Variants in SYN3 observed in about 807,000 individuals in gnomAD.
The protein encoded by SYN3 is synapsin III.
SYN3 carries 35 observed loss-of-function variants against 65.8 expected under a neutral mutation model. The ratio of observed to expected loss-of-function variants is 0.53; its 90% CI spans 0.41 to 0.70. SYN3 has a LOEUF of 0.70. Ranked by LOEUF, SYN3 falls within the 30% of genes least tolerant of loss-of-function variation. SYN3 has a pLI of 0.00. For missense variants in SYN3, 680 were observed against 749.0 expected, an observed-to-expected ratio of 0.91 and a Z score of 1.08; for synonymous variants, 270 against 292.9, an observed-to-expected ratio of 0.92 and a Z score of 0.80.
intron 6 of SYN3, among the ~76,000 whole-genome samples, chr22:32,700,828 T>C (rs1219102534): frequency 1.3e-5 from 2 of 152,232 alleles, no homozygotes; most frequent in Non-Finnish European, 2.9e-5. Context: ...ACCACTTGGA[T>C]GTCTCATAGG....
chr22:32,578,410 C>A (rs1016672497), intron 7 of SYN3, among the ~76,000 whole-genome samples: 1 of 151,944 alleles, frequency 6.6e-6, no homozygotes, highest in Non-Finnish European at 1.5e-5. Context: ...CCACACCTGG[C>A]ATTTTTTTAT....
intron 7 of SYN3, among the ~76,000 whole-genome samples, chr22:32,552,648 G>C: frequency 6.6e-6 from 1 of 152,078 alleles, no homozygotes; most frequent in African/African-American, 2.4e-5. Flanking sequence ...TTGAAGAAAA[G>C]AAACTTTGAT....
intron 6 of SYN3, among the ~76,000 whole-genome samples, chr22:32,778,351 C>T (rs879845335): frequency 3.3e-5 from 5 of 152,046 alleles, no homozygotes; most frequent in African/African-American, 7.2e-5. Context: ...TGCAGAGGCA[C>T]GATCTTGGCT....
intron 6 of SYN3, among the ~76,000 whole-genome samples, chr22:32,713,904 C>G (rs1010338957): frequency 2.0e-5 from 3 of 151,842 alleles, no homozygotes; most frequent in Admixed American, 6.6e-5. Flanking sequence ...GAAACCATGC[C>G]AAAGAAAATA....
intron 1 of SYN3, among the ~76,000 whole-genome samples, chr22:33,047,863 C>CAAAAAA (rs58025351): frequency 1.9e-5 from 1 of 53,566 alleles, no homozygotes; most frequent in African/African-American, 5.5e-5. Flanking sequence ...TTTTCATGTG[C>CAAAAAA]AAAAAAAAAA....
intron 1 of SYN3, among the ~76,000 whole-genome samples, chr22:33,009,191 A>G (rs1480314067): frequency 6.6e-6 from 1 of 152,128 alleles, no homozygotes; most frequent in African/African-American, 2.4e-5. Flanking sequence ...ATGTCTAAAT[A>G]AGAAACTGTC....
intron 6 of SYN3, among the ~76,000 whole-genome samples, chr22:32,695,180 A>G (rs953517597): frequency 7.9e-5 from 12 of 152,240 alleles, no homozygotes; most frequent in Middle Eastern, 3.4e-3. Flanking sequence ...ATGCATATTC[A>G]TATTTCCTAA....
At chr22:32,889,371 G>C (rs896116029) in intron 4 of SYN3, among the ~76,000 whole-genome samples, 8 of 151,954 alleles carry the variant, frequency 5.3e-5, no homozygotes, top group African/African-American at 1.5e-4. Context: ...TCCGGAATGG[G>C]GTAAGGGTAG....
intron 4 of SYN3, among the ~76,000 whole-genome samples, chr22:32,920,490 G>A (rs1569327669): frequency 6.6e-6 from 1 of 152,176 alleles, no homozygotes; most frequent in Non-Finnish European, 1.5e-5. Context: ...GAGCTGGCTG[G>A]CTGGCCACCC....
At chr22:32,620,832 G>A (rs1454848462) in intron 6 of SYN3, among the ~76,000 whole-genome samples, 2 of 151,898 alleles carry the variant, frequency 1.3e-5, no homozygotes, top group Non-Finnish European at 2.9e-5. Flanking sequence ...GGATTCTTCT[G>A]CCTCAGCCTC....
At chr22:33,053,155 G>A (rs1479487486) in intron 1 of SYN3, among the ~76,000 whole-genome samples, 1 of 152,190 alleles carries the variant, frequency 6.6e-6, no homozygotes, top group African/African-American at 2.4e-5. Context: ...GGGCGCAGTG[G>A]CTCACACCTG....
intron 12 of SYN3, among the ~76,000 whole-genome samples, chr22:32,520,564 T>A (rs1267875202): frequency 6.6e-6 from 1 of 152,204 alleles, no homozygotes; most frequent in African/African-American, 2.4e-5. Flanking sequence ...TATTACTTTT[T>A]CCTTTATGAA....
At position 32,990,301 on chromosome 22, in the gene SYN3, A is replaced by AATCCATCCATGAATCCATCCATCC. The variant is rs1556091913; in HGVS notation, c.312-9600_312-9599insGGATGGATGGATTCATGGATGGAT. Among the ~76,000 whole-genome samples the AATCCATCCATGAATCCATCCATCC allele has an allele frequency of 2.4e-4, 34 of 139,544 alleles. No homozygotes were observed. The East Asian group carries it at 5.9e-3, about 24-fold the overall frequency. The allele number at this position is 139,544 out of a possible 152,430, so 91.5% of individuals were successfully genotyped here. ...GAATCCATCCATGAATCCATCCATGAATCCATCCATCCATCCATCCATCCA... is the reference window on the plus strand; with the variant it reads ...GAATCCATCCATGAATCCATCCATGAATCCATCCATGAATCCATCCATCCATCCATCCATCCATCCATCCATCCA... On this transcript the variant is annotated intron_variant, in intron 2 of 13. Transcript: ENST00000358763.
At position 32,763,442 on chromosome 22, in the gene SYN3, C is replaced by T. The variant is rs149914779; in HGVS notation, c.711+101473G>A. Among the ~76,000 whole-genome samples, 715 of 152,306 alleles carry T rather than the reference C, an allele frequency of 4.7e-3. 1 individual carries two copies. The highest frequency in any genetic ancestry group is 0.016 in the African/African-American group (657 of 41,562). On this transcript the variant is annotated intron_variant, in intron 6 of 13. Coordinates refer to ENST00000358763, the MANE Select transcript of SYN3 (RefSeq NM_003490.4). ...CTGGGATTACAGGCGTGAGCCACCA[C>T]GCCTGGCCAAGTGCTCTAATCTTAA... is the stretch of plus-strand genomic sequence containing the variant.
intron 6 of SYN3, among the ~76,000 whole-genome samples, chr22:32,750,902 T>C (rs531022300): frequency 6.6e-6 from 1 of 152,020 alleles, no homozygotes; most frequent in Non-Finnish European, 1.5e-5. Flanking sequence ...GGGGAGAAGA[T>C]CAGGAGTTCA....
chr22:32,896,505 A>G (rs137520), intron 4 of SYN3, among the ~76,000 whole-genome samples: 76,711 of 152,110 alleles, frequency 0.5, 20,084 homozygotes, highest in Non-Finnish European at 0.57. Flanking sequence ...ATCATAAGAC[A>G]TAAAGGCTAA....
chr22:33,006,902 C>A (rs1409780618), intron 1 of SYN3, 78 bp from the exon 2 acceptor site: 5 of 386,116 alleles, frequency 1.3e-5, no homozygotes, highest in South Asian at 9.3e-5. Context: ...CGCTTTCCTG[C>A]CCCACTGCAG....
chr22:32,612,839 C>G (rs970790579), intron 6 of SYN3, among the ~76,000 whole-genome samples: 1 of 151,770 alleles, frequency 6.6e-6, no homozygotes, highest in Non-Finnish European at 1.5e-5. Flanking sequence ...ACCCTGTGTC[C>G]TAAATAAATA....
At chr22:33,045,677 T>C (rs2054050929) in intron 1 of SYN3, among the ~76,000 whole-genome samples, 1 of 151,990 alleles carries the variant, frequency 6.6e-6, no homozygotes, top group Non-Finnish European at 1.5e-5. Flanking sequence ...TTAGCCAGGA[T>C]GGTCTCGATC....
Sources: gnomAD v4.1 joint callset for allele counts (sites outside exome capture counted in the v4.1 genomes callset) on GRCh38, gnomAD v4.1.1 for gene constraint, MANE v1.5 for transcripts, NCBI Gene and HGNC (gene_info 2026-07-23, HGNC 2026-07-21) for gene names.